The following AKAP12 variants were observed in gnomAD, a reference collection of about 807,000 sequenced individuals.
The protein encoded by AKAP12 is A-kinase anchoring protein 12.
AKAP12 carries 32 observed loss-of-function variants against 79.9 expected under a neutral mutation model. The ratio of observed to expected loss-of-function variants is 0.40; its 90% CI spans 0.30 to 0.54. AKAP12 has a LOEUF of 0.54. Among genes scored for constraint, AKAP12 ranks in the 20% least tolerant of loss-of-function variants. The pLI is 0.48. For missense variants in AKAP12, 2,074 were observed against 2,177.0 expected, an observed-to-expected ratio of 0.95 and a Z score of 0.94; for synonymous variants, 808 against 857.0, an observed-to-expected ratio of 0.94 and a Z score of 1.00.
At chr6:151,240,763 G>A in intron 2 of AKAP12, 39 bp downstream of exon 2, 1 of 709,806 alleles carries the variant, frequency 1.4e-6, no homozygotes, top group South Asian at 5.9e-5. Context: ...GGAGGCGCGG[G>A]TCTTTGGGGG....
chr6:151,346,271 C>T (rs995069363), intron 3 of AKAP12, among the ~76,000 whole-genome samples: 1 of 152,102 alleles, frequency 6.6e-6, no homozygotes, highest in Non-Finnish European at 1.5e-5. Flanking sequence ...GACTTTTCCC[C>T]TCAGTGATTT....
chr6:151,259,661 C>T (rs935401995), intron 2 of AKAP12, among the ~76,000 whole-genome samples: 2 of 150,758 alleles, frequency 1.3e-5, no homozygotes, highest in Non-Finnish European at 3.0e-5. Flanking sequence ...TCATTGCAAC[C>T]TCCACCTGCC....
intron 2 of AKAP12, among the ~76,000 whole-genome samples, chr6:151,286,852 G>A (rs1280439894): frequency 6.6e-6 from 1 of 152,202 alleles, no homozygotes; most frequent in Non-Finnish European, 1.5e-5. Context: ...AAACAAGTCA[G>A]GTGAGAACCA....
intron 2 of AKAP12, among the ~76,000 whole-genome samples, chr6:151,281,467 T>TTATGA (rs1281929912): frequency 1.2e-4 from 19 of 152,224 alleles, no homozygotes; most frequent in African/African-American, 4.6e-4. Context: ...GCAGATTTAG[T>TTATGA]GCCCACTTTA....
intron 2 of AKAP12, among the ~76,000 whole-genome samples, chr6:151,291,254 CACA>C (rs1475514803): frequency 3.9e-5 from 6 of 152,074 alleles, no homozygotes; most frequent in East Asian, 1.9e-4. Context: ...AGGATATAAC[CACA>C]ACAACAGCCC....
intron 3 of AKAP12, among the ~76,000 whole-genome samples, chr6:151,309,574 C>G (rs573003873): frequency 5.3e-5 from 8 of 152,208 alleles, no homozygotes; most frequent in Admixed American, 2.0e-4. Context: ...ATAATGAAAA[C>G]AGAATTCTGC....
chr6:151,323,147 C>T (rs1046306717), intron 3 of AKAP12, among the ~76,000 whole-genome samples: 22 of 152,208 alleles, frequency 1.4e-4, no homozygotes, highest in African/African-American at 5.1e-4. Context: ...TGCACCCTGT[C>T]CTTGATCATT....
rs192809012 is a variant in AKAP12 at position 151,246,347 on chromosome 6, G to A, written c.162+5623G>A. On this transcript the variant is annotated intron_variant, in intron 2 of 4. Coordinates refer to ENST00000402676, the MANE Select transcript of AKAP12 (RefSeq NM_005100.4). ...GCAGGAGAATCTCTTGAACCTGGGAGGGGGAGGTTGCAGTGAGCTGAGATC... is the reference window on the plus strand; with the variant it reads ...GCAGGAGAATCTCTTGAACCTGGGAAGGGGAGGTTGCAGTGAGCTGAGATC... 6.1e-3 allele frequency among the ~76,000 whole-genome samples: 923 copies of A among 152,302 alleles called. 8 individuals carry two copies. Among genetic ancestry groups the A allele is most frequent in the African/African-American group, 0.021 (873 of 41,554 alleles).
At chr6:151,249,470 C>T (rs1460408804) in intron 2 of AKAP12, among the ~76,000 whole-genome samples, 3 of 152,176 alleles carry the variant, frequency 2.0e-5, no homozygotes, top group Non-Finnish European at 4.4e-5. Flanking sequence ...GAGCCACCTA[C>T]GCCTGGCCAT....
Position 151,353,105 on chromosome 6 carries a change from T to C in AKAP12, c.4714T>C (p.Leu1572=), listed in dbSNP as rs1365178280. ...TACAGAAGAAACAGCCACCGAAATG[T>C]TGACGTCTGAGTTACAGACACAAGC... The part of the protein sequence containing the change: ...VRTEETATEM[L]TSELQTQAHV... The change falls in exon 4 of 5, where the codon TTG becomes CTG. Residue 1572 remains leucine, a synonymous_variant. Transcript: ENST00000402676. The C allele has an allele frequency of 1.9e-6, 3 of 1,614,172 alleles. No homozygotes were observed. Among genetic ancestry groups the C allele is most frequent in the Non-Finnish European group, 2.5e-6 (3 of 1,180,034 alleles).
In AKAP12 at chr6:151,273,897, C is replaced by T. The variant is rs111247535; in HGVS notation, c.163-31850C>T. On this transcript the variant is annotated intron_variant, in intron 2 of 4. Coordinates refer to ENST00000402676, the MANE Select transcript of AKAP12 (RefSeq NM_005100.4). Reference sequence around the variant, plus strand: ...TATGAAAATTAGCCGGGTATGGTGGCGTGCGCCTGTAATCCCAGCTACTCG... The same window carrying T: ...TATGAAAATTAGCCGGGTATGGTGGTGTGCGCCTGTAATCCCAGCTACTCG... Among the ~76,000 whole-genome samples, 1,038 of 152,106 alleles carry T rather than the reference C, an allele frequency of 6.8e-3. 9 individuals are homozygous for T. The highest frequency in any genetic ancestry group is 0.024 in the African/African-American group (977 of 41,528).
chr6:151,291,861 A>G (rs1379294068), intron 2 of AKAP12, among the ~76,000 whole-genome samples: 1 of 152,098 alleles, frequency 6.6e-6, no homozygotes, highest in Admixed American at 6.5e-5. Flanking sequence ...AACATAGCTC[A>G]TCCCTGCCAG....
At chr6:151,244,857 G>C (rs537855712) in intron 2 of AKAP12, among the ~76,000 whole-genome samples, 27 of 152,326 alleles carry the variant, frequency 1.8e-4, no homozygotes, top group African/African-American at 6.5e-4. Context: ...TTTGGGTACC[G>C]ATAGACTGCA....
chr6:151,252,116 C>T (rs1220057939), intron 2 of AKAP12, among the ~76,000 whole-genome samples: 3 of 152,158 alleles, frequency 2.0e-5, no homozygotes, highest in East Asian at 3.8e-4. Context: ...GTCTGCGTCA[C>T]AGCAGAGACC....
rs377313534 is a variant in AKAP12 at position 151,351,262 on chromosome 6, C to T, written c.2871C>T (p.Asn957=). 6.8e-6 allele frequency: 11 copies of T among 1,614,216 alleles called. No homozygotes were observed. The East Asian group carries it at 2.5e-4, about 36-fold the overall frequency. ...PPTVTEPLPE[N]REARGDTVVS... ...CGGTTACTGAACCTCTGCCAGAGAA[C>T]AGAGAGGCCCGGGGCGACACGGTCG... Residue 957 remains asparagine, a synonymous_variant, in exon 4 of 5, where the codon AAC becomes AAT. Coordinates refer to ENST00000402676, the MANE Select transcript of AKAP12 (RefSeq NM_005100.4). This position sits in a 1 kb window ranked among gnomAD's most constrained non-coding sequence, Gnocchi z 4.4.
chr6:151,299,341 T>C (rs1232184263), intron 2 of AKAP12, among the ~76,000 whole-genome samples: 2 of 152,150 alleles, frequency 1.3e-5, no homozygotes, highest in Admixed American at 6.5e-5. Context: ...AGTTTTAGGG[T>C]TCAATGTATT....
rs1340277034 is a variant in AKAP12, at chr6:151,358,001, T to G, written c.*2287T>G. 1.3e-5 allele frequency: 2 copies of G among 152,198 alleles called. No homozygotes were observed. The highest frequency in any genetic ancestry group is 4.8e-5 in the African/African-American group (2 of 41,446). The allele number at this position is 152,198 out of a possible 1,614,324, so 9.4% of individuals were successfully genotyped here. A position where few individuals can be genotyped will look rare whatever the true frequency, so the allele number is the denominator to read the frequency against. ...GTTGCGATTCCATGAGTAGCTGCTT[T>G]ATGACTGCTTTTTGTACTATCTGGA... On this transcript the variant is annotated 3_prime_UTR_variant, in exon 5 of 5. Transcript: ENST00000402676.
chr6:151,350,185 C>A lies in AKAP12; in HGVS notation c.1794C>A (p.Ser598=). The A allele has an allele frequency of 6.2e-7, 1 of 1,613,422 alleles. No individual in the cohort carries two copies. Among genetic ancestry groups the A allele is most frequent in the Non-Finnish European group, 8.5e-7 (1 of 1,179,866 alleles). ...QDGEAEEGAT[S]DGEKKREGVT... ...GGGAAGCTGAAGAAGGAGCTACTTC[C>A]GATGGAGAGAAAAAAAGAGAAGGTG... Residue 598 remains serine (S), a synonymous_variant, in exon 4 of 5, where the codon TCC becomes TCA. Coordinates refer to ENST00000402676, the MANE Select transcript of AKAP12 (RefSeq NM_005100.4). The surrounding 1 kb of genome is among the most constrained non-coding windows in gnomAD (Gnocchi z 4.8).
intron 2 of AKAP12, among the ~76,000 whole-genome samples, chr6:151,249,693 T>G (rs1233434342): frequency 1.3e-5 from 2 of 152,238 alleles, no homozygotes; most frequent in African/African-American, 4.8e-5. Flanking sequence ...AAAAGTTACC[T>G]CTTGTTAAAA....
Sources: allele counts gnomAD v4.1 joint callset (sites outside exome capture counted in the v4.1 genomes callset), GRCh38; gene constraint gnomAD v4.1.1; non-coding constraint Gnocchi (gnomAD v3.1); transcripts MANE v1.5; gene names NCBI Gene and HGNC (gene_info 2026-07-23, HGNC 2026-07-21).